ARMC2: variants seen among roughly 807,000 people sequenced by gnomAD.
ARMC2 encodes armadillo repeat-containing protein 2.
ARMC2 carries 67 observed loss-of-function variants against 90.3 expected under a neutral mutation model. The observed-to-expected ratio is 0.74, with a 90% CI of 0.61 to 0.91. The LOEUF (loss-of-function observed/expected upper bound fraction) is 0.91. Ranked by LOEUF, ARMC2 falls within the 40% of genes least tolerant of loss-of-function variation. The pLI is 0.00. For synonymous variants in ARMC2, 393 were observed against 393.0 expected (o/e 1.00, Z 0.00); for missense variants, 920 against 1,030.9 (o/e 0.89, Z 1.47).
At chr6:108,849,053 G>GT (rs1562311179) in intron 1 of ARMC2, among the ~76,000 whole-genome samples, 1 of 152,188 alleles carries the variant, frequency 6.6e-6, no homozygotes, top group Non-Finnish European at 1.5e-5. Context: ...TAGGCAGGCG[G>GT]TGACCGGGCC....
chr6:109,006,013 C>T, the ARMC2 span, among the ~76,000 whole-genome samples: 4 of 152,246 alleles, frequency 2.6e-5, no homozygotes, highest in Admixed American at 6.5e-5. Context: ...TTTCAGTTTT[C>T]GGCTTATTTC....
chr6:108,962,651 T>A (rs1175699209), intron 15 of ARMC2, among the ~76,000 whole-genome samples: 1 of 152,224 alleles, frequency 6.6e-6, no homozygotes, highest in Non-Finnish European at 1.5e-5. Flanking sequence ...TCTGCACAGG[T>A]ATTCACGTAG....
rs1001416636 is a variant in ARMC2 at position 108,887,026 on chromosome 6, A to G, written c.672-7441A>G. Among the ~76,000 whole-genome samples, 3 of 151,224 alleles carry G rather than the reference A, an allele frequency of 2.0e-5. No individual in the cohort carries two copies. The East Asian group carries it at 5.8e-4, about 29-fold the overall frequency. On this transcript the variant is annotated intron_variant, in intron 5 of 17. Coordinates refer to ENST00000392644, the MANE Select transcript of ARMC2 (RefSeq NM_032131.6). ...AGGTTCAAGCAATTCTCTTGCCTCA[A>G]CCTCCCGAGTAGCTGGGATTATAGG...
the ARMC2 span, among the ~76,000 whole-genome samples, chr6:109,036,131 G>A: frequency 6.6e-6 from 1 of 152,108 alleles, no homozygotes; most frequent in Non-Finnish European, 1.5e-5. Context: ...GGTACACTTA[G>A]GAAAGAGAGG....
the ARMC2 span, among the ~76,000 whole-genome samples, chr6:109,029,390 G>A: frequency 6.6e-6 from 1 of 152,208 alleles, no homozygotes; most frequent in African/African-American, 2.4e-5. Context: ...CTTAAGAGAA[G>A]CAGGAATGAT....
At chr6:108,981,754 G>A in the ARMC2 span, among the ~76,000 whole-genome samples, 5 of 151,220 alleles carry the variant, frequency 3.3e-5, no homozygotes, top group East Asian at 5.8e-4. Context: ...TGCAACCTCC[G>A]CTTCCCGGGT....
intron 5 of ARMC2, among the ~76,000 whole-genome samples, chr6:108,877,445 T>C (rs1225956107): frequency 6.6e-6 from 1 of 152,162 alleles, no homozygotes; most frequent in Non-Finnish European, 1.5e-5. Context: ...ATTCAGAACA[T>C]TTTTTTAAAT....
chr6:108,896,234 A>G (rs1236281717), intron 6 of ARMC2, among the ~76,000 whole-genome samples: 1 of 152,166 alleles, frequency 6.6e-6, no homozygotes, highest in African/African-American at 2.4e-5. Context: ...TGTGGTTAAC[A>G]ACTATAACCA....
chr6:108,910,839 T>C, intron 8 of ARMC2, 60 bp from the exon 9 acceptor site: 1 of 825,822 alleles, frequency 1.2e-6, no homozygotes, highest in Non-Finnish European at 1.8e-6. Flanking sequence ...TGGTTTATTT[T>C]TTTTAATACA....
At chr6:108,988,735 G>C in the ARMC2 span, 1 of 1,457,150 alleles carries the variant, frequency 6.9e-7, no homozygotes, top group Non-Finnish European at 9.3e-7. Context: ...TGTATAACCT[G>C]TTTTCATCTT....
At chr6:108,948,097 C>G (rs149956938) in intron 12 of ARMC2, among the ~76,000 whole-genome samples, 1 of 152,302 alleles carries the variant, frequency 6.6e-6, no homozygotes, top group East Asian at 1.9e-4. Context: ...TTAATTTTTA[C>G]AAATCTTTAT....
chr6:109,049,694 G>A, the ARMC2 span, among the ~76,000 whole-genome samples: 639 of 149,602 alleles, frequency 4.3e-3, 6 homozygotes, highest in African/African-American at 0.014. Context: ...GAGAGGGGAC[G>A]TATATTTATA....
At chr6:108,945,017 C>T (rs1041323295) in intron 12 of ARMC2, among the ~76,000 whole-genome samples, 14 of 151,992 alleles carry the variant, frequency 9.2e-5, no homozygotes, top group African/African-American at 3.1e-4. Context: ...GGCTTAATGC[C>T]GTATGAAAGC....
chr6:108,904,126 C>T (rs1490822441), intron 7 of ARMC2, 104 bp from the exon 8 acceptor site: 2 of 1,312,044 alleles, frequency 1.5e-6, no homozygotes, highest in African/African-American at 3.0e-5. Flanking sequence ...TGAAGATATC[C>T]AAGGAAATAA....
At chr6:108,899,827 TG>T (rs781721363) in intron 7 of ARMC2, 35 bp downstream of exon 7, 25 of 1,540,540 alleles carry the variant, frequency 1.6e-5, no homozygotes, top group African/African-American at 4.2e-5. Flanking sequence ...AAACCGTTTT[TG>T]TTTTTTTTTT....
chr6:108,989,526 T>A, the ARMC2 span, among the ~76,000 whole-genome samples: 2 of 147,336 alleles, frequency 1.4e-5, no homozygotes, highest in African/African-American at 2.6e-5. Flanking sequence ...TAGAGAGATA[T>A]CTATAGAGAT....
intron 5 of ARMC2, chr6:108,879,967 AGCCT>A: frequency 2.1e-6 from 1 of 470,214 alleles, no homozygotes; most frequent in South Asian, 1.6e-5. Flanking sequence ...AAGGCTTGAA[AGCCT>A]TACTAATAAA....
At position 108,854,435 on chromosome 6, in the gene ARMC2, C is replaced by T. The variant is rs916604399; in HGVS notation, c.168C>T (p.Phe56=). The change falls in exon 2 of 18, where the codon TTC becomes TTT. Residue 56 remains phenylalanine (F), a synonymous_variant. Coordinates refer to ENST00000392644, the MANE Select transcript of ARMC2 (RefSeq NM_032131.6). ...CACAGGAGGCTCAAAGAAAACTATT[C>T]GGACCTGCATCCTCAAGAACATCAG... ...FTPQEAQRKL[F]GPASSRTSEN... 11 of 1,613,580 alleles carry T rather than the reference C, an allele frequency of 6.8e-6. No individual in the cohort carries two copies. The highest frequency in any genetic ancestry group is 2.2e-5 in the East Asian group (1 of 44,804).
the ARMC2 span, among the ~76,000 whole-genome samples, chr6:108,996,900 A>G: frequency 3.3e-5 from 5 of 152,346 alleles, no homozygotes; most frequent in South Asian, 1.0e-3. Context: ...ACATGGAAGA[A>G]ATTTAAATGT....
Sources: gnomAD v4.1 joint callset for allele counts (sites outside exome capture counted in the v4.1 genomes callset) on GRCh38, gnomAD v4.1.1 for gene constraint, MANE v1.5 for transcripts, NCBI Gene and HGNC (gene_info 2026-07-23, HGNC 2026-07-21) for gene names.